SLC2A9: variants seen among roughly 807,000 people sequenced by gnomAD.
SLC2A9 encodes the protein solute carrier family 2 member 9, also known as solute carrier family 2, facilitated glucose transporter member 9.
In SLC2A9, 39 loss-of-function variants were observed where a neutral mutation model predicts 50.6. The ratio of observed to expected loss-of-function variants is 0.77; its 90% confidence interval spans 0.60 to 1.01. The LOEUF is 1.01. SLC2A9 is among the 50% of genes least tolerant of loss of function. The probability of loss-of-function intolerance (pLI) is 0.00; values close to 1 mark genes in which losing one functional copy is unlikely to be tolerated. For synonymous variants in SLC2A9, 324 were observed against 276.9 expected (o/e 1.17, Z -1.69); for missense variants, 686 against 677.6 (o/e 1.01, Z -0.14).
intron 5 of SLC2A9, among the ~76,000 whole-genome samples, chr4:9,965,839 A>G (rs1752966103): frequency 6.6e-6 from 1 of 152,254 alleles, no homozygotes; most frequent in Non-Finnish European, 1.5e-5. Flanking sequence ...TTGAAAAGAC[A>G]GAAATTAATG....
chr4:9,905,459 G>A (rs1292278951), intron 8 of SLC2A9, among the ~76,000 whole-genome samples: 1 of 152,204 alleles, frequency 6.6e-6, no homozygotes, highest in East Asian at 1.9e-4. Flanking sequence ...GATCCACTGG[G>A]TCCAAACTTA....
At chr4:9,885,922 A>T (rs1560239821) in intron 10 of SLC2A9, among the ~76,000 whole-genome samples, 1 of 152,252 alleles carries the variant, frequency 6.6e-6, no homozygotes, top group East Asian at 1.9e-4. Context: ...AAGTATTTAC[A>T]CCTGGCCCTT....
chr4:9,957,422 C>T (rs1393620881), intron 5 of SLC2A9, among the ~76,000 whole-genome samples: 1 of 152,154 alleles, frequency 6.6e-6, no homozygotes, highest in Non-Finnish European at 1.5e-5. Context: ...CTTTTGCTCA[C>T]CTTCTTTTTA....
At chr4:9,905,750 CCT>C (rs1007903599) in intron 8 of SLC2A9, among the ~76,000 whole-genome samples, 3 of 152,054 alleles carry the variant, frequency 2.0e-5, no homozygotes, top group African/African-American at 7.2e-5. Context: ...TCAGTGTGCC[CCT>C]CTTTCAAACA....
chr4:9,929,579 C>A (rs982801803), intron 6 of SLC2A9, among the ~76,000 whole-genome samples: 2 of 152,208 alleles, frequency 1.3e-5, no homozygotes, highest in Admixed American at 1.3e-4. Flanking sequence ...CAAACATTGG[C>A]CCATACCTGA....
intron 3 of SLC2A9, among the ~76,000 whole-genome samples, chr4:9,808,409 A>G (rs1450261655): frequency 6.6e-6 from 1 of 152,146 alleles, no homozygotes; most frequent in Non-Finnish European, 1.5e-5. Context: ...GGCCACAGTG[A>G]GAAGCAGTCA....
At chr4:9,888,070 A>T (rs1355412253) in intron 9 of SLC2A9, among the ~76,000 whole-genome samples, 3 of 149,708 alleles carry the variant, frequency 2.0e-5, no homozygotes, top group African/African-American at 7.5e-5. Flanking sequence ...GAACAATGAG[A>T]ACACATGGAC....
At chr4:9,774,083 C>T (rs1379951075) in intron 1 of SLC2A9, among the ~76,000 whole-genome samples, 1 of 151,340 alleles carries the variant, frequency 6.6e-6, no homozygotes, top group Non-Finnish European at 1.5e-5. Context: ...GAATCTCTGC[C>T]TCCTGGTTCA....
intron 7 of SLC2A9, 123 bp downstream of exon 7, chr4:9,920,262 T>C (rs1459684205): frequency 9.0e-6 from 9 of 1,003,776 alleles, no homozygotes; most frequent in South Asian, 1.4e-5. Flanking sequence ...CCTAACAGCA[T>C]AGAGTTTGTG....
intron 5 of SLC2A9, among the ~76,000 whole-genome samples, chr4:9,958,587 C>T (rs1387089665): frequency 6.6e-6 from 1 of 152,110 alleles, no homozygotes; most frequent in Non-Finnish European, 1.5e-5. Context: ...ACATGTATAC[C>T]TATGTAACAA....
downstream of SLC2A9, among the ~76,000 whole-genome samples, chr4:9,798,242 C>T (rs147862037): frequency 6.6e-6 from 1 of 152,186 alleles, no homozygotes; most frequent in African/African-American, 2.4e-5. Flanking sequence ...TGAGAAGTAG[C>T]AGGAGGCTTC....
intron 5 of SLC2A9, among the ~76,000 whole-genome samples, chr4:9,971,149 A>G (rs1283677506): frequency 6.6e-6 from 1 of 152,172 alleles, no homozygotes; most frequent in Non-Finnish European, 1.5e-5. Context: ...TCCTTCTACA[A>G]TTCATTGTGT....
intron 8 of SLC2A9, among the ~76,000 whole-genome samples, chr4:9,899,074 C>T (rs1379306654): frequency 6.6e-6 from 1 of 152,164 alleles, no homozygotes; most frequent in South Asian, 2.1e-4. Flanking sequence ...ATAACTCAGC[C>T]AAAGCGGTGC....
At chr4:9,941,732 C>T (rs531522616) in intron 6 of SLC2A9, among the ~76,000 whole-genome samples, 181 bp downstream of exon 6, 13 of 152,286 alleles carry the variant, frequency 8.5e-5, no homozygotes, top group African/African-American at 3.1e-4. Flanking sequence ...CCCTCTCTGT[C>T]CCCCAGCAAG....
At chr4:9,782,740 C>T (rs753915673) in intron 3 of SLC2A9, 5 of 1,614,006 alleles carry the variant, frequency 3.1e-6, no homozygotes, top group South Asian at 1.1e-5. Flanking sequence ...TCTACATCCC[C>T]GTTGCCATCA....
chr4:9,989,032 A>C (rs1757224846), intron 3 of SLC2A9, among the ~76,000 whole-genome samples: 1 of 152,204 alleles, frequency 6.6e-6, no homozygotes, highest in Non-Finnish European at 1.5e-5. Context: ...CTCTCCACAG[A>C]CCTTTCCAGT....
At chr4:9,846,055 C>T (rs1728939352) in intron 10 of SLC2A9, among the ~76,000 whole-genome samples, 1 of 152,162 alleles carries the variant, frequency 6.6e-6, no homozygotes, top group Admixed American at 6.5e-5. Flanking sequence ...ATTCTAACTC[C>T]ATTTAACGGT....
chr4:9,859,565 G>A (rs957541408), intron 10 of SLC2A9, among the ~76,000 whole-genome samples: 7 of 152,248 alleles, frequency 4.6e-5, no homozygotes, highest in African/African-American at 1.4e-4. Flanking sequence ...AGAGACTGAA[G>A]CCCTTGTTCA....
At chr4:10,021,534 C>T, upstream of SLC2A9, 6 of 1,554,012 alleles carry the variant, frequency 3.9e-6, no homozygotes, top group Non-Finnish European at 5.2e-6. Context: ...GGCGGGAGTT[C>T]CTGACAGGAA....
Sources: gnomAD v4.1 joint callset for allele counts (sites outside exome capture counted in the v4.1 genomes callset) on GRCh38, gnomAD v4.1.1 for gene constraint, MANE v1.5 for transcripts, NCBI Gene and HGNC (gene_info 2026-07-23, HGNC 2026-07-21) for gene names.